Variants in PTBP1 observed in about 807,000 individuals in gnomAD.
PTBP1 encodes polypyrimidine tract binding protein 1, also known as polypyrimidine tract-binding protein 1.
A neutral mutation model predicts 59.8 loss-of-function variants in PTBP1; 8 were observed. The ratio of observed to expected loss-of-function variants is 0.13; its 90% CI spans 0.08 to 0.24. The LOEUF (loss-of-function observed/expected upper bound fraction) is 0.24, where lower values mean the gene tolerates loss of function less well. Ranked by LOEUF, PTBP1 falls within the 10% of genes least tolerant of loss-of-function variation. The pLI, the probability that PTBP1 is intolerant of heterozygous loss-of-function variation, is 1.00. For missense variants in PTBP1, 686 were observed against 767.0 expected (o/e 0.89, Z 1.25); for synonymous variants, 490 against 320.7 (o/e 1.53, Z -5.64).
At position 811,579 on chromosome 19, in the gene PTBP1, A is replaced by T. The variant is rs545632371; in HGVS notation, c.*753A>T. 6.6e-6 allele frequency: 1 copy of T among 152,550 alleles called. No homozygotes were observed. Among genetic ancestry groups the T allele is most frequent in the South Asian group, 2.1e-4 (1 of 4,830 alleles). 9.4% of individuals were successfully genotyped at this position (152,550 alleles called of 1,614,324 possible). On this transcript the variant is annotated 3_prime_UTR_variant, in exon 15 of 15. Coordinates refer to ENST00000356948, the MANE Select transcript of PTBP1 (RefSeq NM_002819.5). ...TGATACAATGGTATGAGTGTAATCT[A>T]AACTTCCTTGTGGTATTACCTTGTA...
rs1446043790 is a variant in PTBP1 at position 811,761 on chromosome 19, T to TGGCATCGCCTCC, written c.*938_*949dup. On this transcript the variant is annotated 3_prime_UTR_variant, in exon 15 of 15. Coordinates refer to ENST00000356948, the MANE Select transcript of PTBP1 (RefSeq NM_002819.5). Reference sequence around the variant, plus strand: ...GAAGGGGCGGGCGTGTCGCCGCCTCTGGCATCGCCTCCGGTTGCCTTACAC... The same window carrying TGGCATCGCCTCC: ...GAAGGGGCGGGCGTGTCGCCGCCTCTGGCATCGCCTCCGGCATCGCCTCCGGTTGCCTTACAC... 2 of 152,450 alleles carry TGGCATCGCCTCC rather than the reference T, an allele frequency of 1.3e-5. No homozygotes were observed. The highest frequency in any genetic ancestry group is 2.9e-5 in the Non-Finnish European group (2 of 68,038). 9.4% of individuals were successfully genotyped at this position (152,450 alleles called of 1,614,324 possible). A position where few individuals can be genotyped will look rare whatever the true frequency, so the allele number is the denominator to read the frequency against.
rs557562633 is a variant in PTBP1 at position 804,801 on chromosome 19, AG to A, written c.607-27del. On this transcript the variant is annotated intron_variant, in intron 6 of 14. Transcript: ENST00000356948. The stretch of plus-strand genomic sequence containing the variant: ...GCAGGGCTGGTGGGCACCGGGCAGG[AG>A]CTCATGCTGTGGCCCGGGACCTGCA... The A allele has an allele frequency of 8.9e-5, 144 of 1,609,332 alleles. No homozygotes were observed. In the East Asian group the frequency reaches 3.0e-3, roughly 34 times the overall value.
At position 805,200 on chromosome 19, in the gene PTBP1, C is replaced by T. The variant is rs563144330; in HGVS notation, c.892+13C>T. On this transcript the variant is annotated intron_variant, in intron 8 of 14. Transcript: ENST00000356948. ...GCCGCGGCCTTCGGTAAGAGGCTGC[C>T]CGACGCGGCGCCAGTGTGCAGAGTG... The T allele has an allele frequency of 3.1e-6, 5 of 1,612,072 alleles. No individual in the cohort carries two copies. The African/African-American group carries it at 4.0e-5, about 13-fold the overall frequency.
intron 10 of PTBP1, chr19:807,612 G>GCA (rs748794831): frequency 8.9e-5 from 39 of 437,948 alleles, no homozygotes; most frequent in Non-Finnish European, 1.4e-4. Flanking sequence ...CCAACTGACT[G>GCA]CACGGTACTT....
In PTBP1 at chr19:811,180, C is replaced by T. The variant is rs1323825048; in HGVS notation, c.*354C>T. ...GTGCCTTAAAAAACCTGCCTTCCTG[C>T]AGCCACACACCCACCCGGGGTGTCC... On this transcript the variant is annotated 3_prime_UTR_variant, in exon 15 of 15. Coordinates refer to ENST00000356948, the MANE Select transcript of PTBP1 (RefSeq NM_002819.5). 4 of 184,108 alleles carry T rather than the reference C, an allele frequency of 2.2e-5. No homozygotes were observed. Among genetic ancestry groups the T allele is most frequent in the Non-Finnish European group, 3.4e-5 (3 of 89,348 alleles). 11.4% of individuals were successfully genotyped at this position (184,108 alleles called of 1,614,324 possible).
intron 1 of PTBP1, among the ~76,000 whole-genome samples, chr19:799,039 G>T (rs2034208536): frequency 6.6e-6 from 1 of 152,216 alleles, no homozygotes; most frequent in African/African-American, 2.4e-5. Flanking sequence ...TCTCCGAGGC[G>T]TTTCCAACTT....
At chr19:806,306 G>GCGGCTCGGCTCCT (rs2034571500) in intron 9 of PTBP1, 102 bp from the exon 10 acceptor site, 2 of 1,327,444 alleles carry the variant, frequency 1.5e-6, no homozygotes, top group Admixed American at 6.8e-5. Context: ...CGCCTCCCGC[G>GCGGCTCGGCTCCT]CGGCTCGGCT....
intron 1 of PTBP1, among the ~76,000 whole-genome samples, chr19:797,819 C>G (rs1159489504): frequency 3.4e-5 from 5 of 148,522 alleles, no homozygotes; most frequent in African/African-American, 1.2e-4. Flanking sequence ...GCCTCGGCGG[C>G]GCGCGGCCCT....
At chr19:806,694 G>A (rs1007141535) in intron 10 of PTBP1, 138 bp downstream of exon 10, 23 of 726,384 alleles carry the variant, frequency 3.2e-5, no homozygotes, top group Non-Finnish European at 4.3e-5. Flanking sequence ...CTGCTGCAGC[G>A]CTGAGACCCT....
chr19:808,164 G>A lies in PTBP1; in HGVS notation c.1154-196G>A. The stretch of plus-strand genomic sequence containing the variant: ...ACCCGCTGGCAGCTTACCTGTCCTG[G>A]ATGCTATGACTTTGCTGAACGGAGC... On this transcript the variant is annotated intron_variant, in intron 11 of 14. Transcript: ENST00000356948. This position sits in a 1 kb window ranked among gnomAD's most constrained non-coding sequence, Gnocchi z 4.7. 1 of 639,486 alleles carries A rather than the reference G, an allele frequency of 1.6e-6. No individual in the cohort carries two copies. The highest frequency in any genetic ancestry group is 2.8e-6 in the Non-Finnish European group (1 of 357,760). 39.6% of individuals were successfully genotyped at this position (639,486 alleles called of 1,614,324 possible). A position where few individuals can be genotyped will look rare whatever the true frequency, so the allele number is the denominator to read the frequency against.
chr19:800,170 G>A (rs1388096427), intron 2 of PTBP1, among the ~76,000 whole-genome samples: 1 of 151,242 alleles, frequency 6.6e-6, no homozygotes, highest in Non-Finnish European at 1.5e-5. Flanking sequence ...TGGAACACAG[G>A]TGATGCACCC....
intron 1 of PTBP1, among the ~76,000 whole-genome samples, chr19:797,913 C>G (rs555248754): frequency 1.0e-3 from 153 of 148,868 alleles, no homozygotes; most frequent in Non-Finnish European, 1.8e-3. Context: ...CGTAGCCCGT[C>G]GCGCGTCCCC....
chr19:805,249 GAGCCCCGGCGGCAC>G lies in PTBP1; in HGVS notation c.892+63_892+76del, dbSNP rs2145049206. On this transcript the variant is annotated intron_variant, in intron 8 of 14. Coordinates refer to ENST00000356948, the MANE Select transcript of PTBP1 (RefSeq NM_002819.5). ...TGGTCTATTAGGGCCGCTCAGTCCGGAGCCCCGGCGGCACGGGCCCGGCCCTGCACCAGGGTGAT... is the reference window on the plus strand; with the variant it reads ...TGGTCTATTAGGGCCGCTCAGTCCGGGGGCCCGGCCCTGCACCAGGGTGAT... 9 of 1,572,940 alleles carry G rather than the reference GAGCCCCGGCGGCAC, an allele frequency of 5.7e-6. No homozygotes were observed. The South Asian group carries it at 1.0e-4, about 18-fold the overall frequency.
In PTBP1 at chr19:805,015, G is replaced by A. The variant is rs748790808; in HGVS notation, c.720G>A (p.Ser240=). The change falls in exon 8 of 15, where the codon TCG becomes TCA. Residue 240 remains serine, a splice_region_variant and synonymous_variant. Coordinates refer to ENST00000356948, the MANE Select transcript of PTBP1 (RefSeq NM_002819.5). The part of the protein sequence containing the change: ...DPVSAQHAKL[S]LDGQNIYNAC... ...TCTCACGGTCCCTCTCCCCTCAGTC[G>A]CTGGACGGGCAGAACATCTACAACG... The A allele has an allele frequency of 1.1e-5, 17 of 1,613,322 alleles. No individual in the cohort carries two copies. Among genetic ancestry groups the A allele is most frequent in the African/African-American group, 5.3e-5 (4 of 74,888 alleles).
Position 806,460 on chromosome 19 carries a change from G to A in PTBP1, c.1023G>A (p.Ser341=), listed in dbSNP as rs777539805. The change falls in exon 10 of 15, where the codon TCG becomes TCA. Residue 341 remains serine, a synonymous_variant. Transcript: ENST00000356948. ...HGALAPLAIP[S]AAAAAAAAGR... ...CCCTGGCCCCCCTGGCCATCCCCTC[G>A]GCGGCGGCGGCAGCTGCGGCGGCAG... 5 of 1,595,008 alleles carry A rather than the reference G, an allele frequency of 3.1e-6. No homozygotes were observed. Among genetic ancestry groups the A allele is most frequent in the South Asian group, 1.1e-5 (1 of 90,048 alleles).
At chr19:810,307 A>AC (rs1353940134) in intron 13 of PTBP1, among the ~76,000 whole-genome samples, 1 of 79,532 alleles carries the variant, frequency 1.3e-5, no homozygotes, top group Non-Finnish European at 2.6e-5. Context: ...TTCCATCTGG[A>AC]AAAAAAAAAG....
intron 2 of PTBP1, among the ~76,000 whole-genome samples, chr19:799,905 G>A (rs1019070616): frequency 6.6e-6 from 1 of 152,068 alleles, no homozygotes; most frequent in African/African-American, 2.4e-5. Flanking sequence ...GGTTGATTTT[G>A]ACGTTAAGTT....
At chr19:800,212 T>G (rs939865278) in intron 2 of PTBP1, among the ~76,000 whole-genome samples, 10 of 151,780 alleles carry the variant, frequency 6.6e-5, no homozygotes, top group African/African-American at 2.4e-4. Flanking sequence ...GGGATTACAG[T>G]TGTGAGCCGC....
At chr19:806,114 C>T (rs1183420652) in intron 9 of PTBP1, 1 of 346,694 alleles carries the variant, frequency 2.9e-6, no homozygotes, top group East Asian at 5.1e-5. Context: ...TGCCGAGGGC[C>T]CCGTGTCTGT....
Sources: allele counts gnomAD v4.1 joint callset (sites outside exome capture counted in the v4.1 genomes callset), GRCh38; gene constraint gnomAD v4.1.1; non-coding constraint Gnocchi (gnomAD v3.1); transcripts MANE v1.5; gene names NCBI Gene and HGNC (gene_info 2026-07-23, HGNC 2026-07-21).